Variants in QTMAN observed in about 807,000 individuals in gnomAD.
QTMAN encodes tRNA-queuosine alpha-mannosyltransferase.
At chr2:144,107,525 G>A in the QTMAN span, among the ~76,000 whole-genome samples, 2 of 152,102 alleles carry the variant, frequency 1.3e-5, no homozygotes, top group Admixed American at 1.3e-4. Flanking sequence ...TAAATTCCTG[G>A]ACACATACAC....
chr2:143,938,647 A>G, the QTMAN span: 4 of 150,072 alleles, frequency 2.7e-5, no homozygotes, highest in African/African-American at 9.8e-5. Context: ...TCCATTTTCA[A>G]TTTTTTTTTT....
the QTMAN span, among the ~76,000 whole-genome samples, chr2:144,049,680 A>G: frequency 6.6e-6 from 1 of 152,174 alleles, no homozygotes; most frequent in Non-Finnish European, 1.5e-5. Context: ...GTCTATACAA[A>G]CCCATTACTT....
chr2:144,315,702 C>T, the QTMAN span, among the ~76,000 whole-genome samples: 14 of 152,320 alleles, frequency 9.2e-5, no homozygotes, highest in African/African-American at 3.1e-4. Context: ...TCACCTCTGT[C>T]CAACTGTCTT....
At chr2:144,090,640 T>C in the QTMAN span, among the ~76,000 whole-genome samples, 15 of 152,152 alleles carry the variant, frequency 9.9e-5, no homozygotes, top group South Asian at 2.9e-3. Context: ...AATATTGAAG[T>C]ATACATCAAA....
chr2:144,261,188 C>T, the QTMAN span, among the ~76,000 whole-genome samples: 2 of 152,172 alleles, frequency 1.3e-5, no homozygotes, highest in Non-Finnish European at 2.9e-5. Flanking sequence ...CCTAAGAACA[C>T]ATTTAATCAA....
the QTMAN span, among the ~76,000 whole-genome samples, chr2:144,016,878 G>C: frequency 6.6e-6 from 1 of 152,124 alleles, no homozygotes; most frequent in African/African-American, 2.4e-5. Flanking sequence ...CAGAGAAGGA[G>C]ATACTATATT....
At chr2:144,136,395 AAAAGGAAAGGAAAGGAAAGG>A in the QTMAN span, among the ~76,000 whole-genome samples, 4 of 97,456 alleles carry the variant, frequency 4.1e-5, no homozygotes, top group East Asian at 7.6e-4. Flanking sequence ...AAGGAAAAGG[AAAAGGAAAGGAAAGGAAAGG>A]AAAGGAAAGG....
chr2:144,000,737 A>G, the QTMAN span, among the ~76,000 whole-genome samples: 1 of 152,052 alleles, frequency 6.6e-6, no homozygotes, highest in Non-Finnish European at 1.5e-5. Context: ...GGCATGAGGA[A>G]GTTTTGGTGG....
the QTMAN span, among the ~76,000 whole-genome samples, chr2:144,126,110 G>T: frequency 6.6e-6 from 1 of 151,914 alleles, no homozygotes; most frequent in Non-Finnish European, 1.5e-5. Flanking sequence ...ACTATAGATT[G>T]CCTGAGGACA....
chr2:144,173,730 A>G, the QTMAN span, among the ~76,000 whole-genome samples: 3 of 151,724 alleles, frequency 2.0e-5, no homozygotes, highest in African/African-American at 4.9e-5. Context: ...TCACATTGAT[A>G]TCTGATCCCC....
chr2:144,015,953 T>C, the QTMAN span, among the ~76,000 whole-genome samples: 1 of 152,172 alleles, frequency 6.6e-6, no homozygotes, highest in Non-Finnish European at 1.5e-5. Context: ...AAGGAGAACA[T>C]GTGTCGGGCG....
chr2:144,095,551 A>G, the QTMAN span, among the ~76,000 whole-genome samples: 2 of 152,190 alleles, frequency 1.3e-5, no homozygotes, highest in South Asian at 2.1e-4. Flanking sequence ...AATCCTTGTC[A>G]TAACTCCTAT....
the QTMAN span, among the ~76,000 whole-genome samples, chr2:144,311,377 T>G: frequency 5.5e-4 from 84 of 152,362 alleles, no homozygotes; most frequent in Non-Finnish European, 1.0e-3. Flanking sequence ...TTGGTTTTGA[T>G]GCTTATAACC....
the QTMAN span, among the ~76,000 whole-genome samples, chr2:143,992,242 C>G: frequency 2.0e-5 from 3 of 149,456 alleles, no homozygotes; most frequent in African/African-American, 7.4e-5. Flanking sequence ...ACCCCGCAAC[C>G]CTGTGCTCTC....
chr2:144,113,436 A>G, the QTMAN span, among the ~76,000 whole-genome samples: 169 of 152,272 alleles, frequency 1.1e-3, 1 homozygote, highest in African/African-American at 3.9e-3. Flanking sequence ...AGATGGGGGA[A>G]AAATGACCAA....
chr2:144,076,007 G>C, the QTMAN span, among the ~76,000 whole-genome samples: 2 of 152,226 alleles, frequency 1.3e-5, no homozygotes, highest in Non-Finnish European at 2.9e-5. Context: ...CCAGCACTTT[G>C]GGAGGATGAG....
chr2:144,166,520 T>C, the QTMAN span, among the ~76,000 whole-genome samples: 2 of 152,244 alleles, frequency 1.3e-5, no homozygotes, highest in African/African-American at 2.4e-5. Context: ...ACAATTAATA[T>C]GTTGAGCAAA....
chr2:144,181,685 C>A, the QTMAN span, among the ~76,000 whole-genome samples: 1 of 152,040 alleles, frequency 6.6e-6, no homozygotes, highest in South Asian at 2.1e-4. Flanking sequence ...GTGGTGCATG[C>A]CTGTAGTGTC....
the QTMAN span, among the ~76,000 whole-genome samples, chr2:144,111,496 T>A: frequency 6.6e-6 from 1 of 152,330 alleles, no homozygotes; most frequent in East Asian, 1.9e-4. Flanking sequence ...TTCCTAGGAC[T>A]GAATTTCCTT....
Sources: allele counts gnomAD v4.1 joint callset (sites outside exome capture counted in the v4.1 genomes callset), GRCh38; gene constraint gnomAD v4.1.1; transcripts MANE v1.5; gene names NCBI Gene and HGNC (gene_info 2026-07-23, HGNC 2026-07-21).